The following UCK2 variants were observed in gnomAD, a reference collection of about 807,000 sequenced individuals.
The protein encoded by UCK2 is uridine-cytidine kinase 2.
In UCK2, 6 loss-of-function variants were observed where a neutral mutation model predicts 30.8. The ratio of observed to expected loss-of-function variants is 0.19; its 90% CI spans 0.11 to 0.38. The LOEUF is 0.38. UCK2 is among the 10% of genes least tolerant of loss of function. The pLI is 1.00. For missense variants in UCK2, 210 were observed against 339.8 expected (o/e 0.62, Z 3.00); for synonymous variants, 125 against 133.6 (o/e 0.94, Z 0.45).
intron 1 of UCK2, among the ~76,000 whole-genome samples, chr1:165,877,959 A>G (rs1489021653): frequency 6.6e-6 from 1 of 152,208 alleles, no homozygotes; most frequent in East Asian, 1.9e-4. Context: ...CGTTGGTCAC[A>G]GTCATGAACC....
chr1:165,903,142 C>T (rs774634826), intron 4 of UCK2, 40 bp from the exon 5 acceptor site: 5 of 1,560,908 alleles, frequency 3.2e-6, no homozygotes, highest in Non-Finnish European at 3.5e-6. Context: ...GTGCTGGCTC[C>T]TACACCGTTT....
At chr1:165,874,841 G>A (rs1246656479) in intron 1 of UCK2, among the ~76,000 whole-genome samples, 1 of 152,172 alleles carries the variant, frequency 6.6e-6, no homozygotes, top group Non-Finnish European at 1.5e-5. Flanking sequence ...GTTTTCTTAG[G>A]TGGCTGTGGC....
chr1:165,880,566 G>GGT (rs869079437), intron 1 of UCK2, among the ~76,000 whole-genome samples: 11 of 19,310 alleles, frequency 5.7e-4, no homozygotes, highest in East Asian at 3.6e-3. Flanking sequence ...TTTTTTTGGG[G>GGT]GTGTGTGTGT....
chr1:165,882,519 G>A (rs1192428916), intron 1 of UCK2, among the ~76,000 whole-genome samples: 6 of 152,208 alleles, frequency 3.9e-5, no homozygotes, highest in Non-Finnish European at 4.4e-5. Flanking sequence ...ATGAAGAACA[G>A]AAATTTATTT....
Position 165,908,090 on chromosome 1 carries a change from C to CAT in UCK2, c.*277_*278dup, listed in dbSNP as rs772217264. On this transcript the variant is annotated 3_prime_UTR_variant, in exon 7 of 7. Transcript: ENST00000367879. ...TCCAACGTGTAACCAGTTATAAATA[C>CAT]ATATATATATAAAAAAGGATCTATT... 14 of 305,486 alleles carry CAT rather than the reference C, an allele frequency of 4.6e-5. No homozygotes were observed. The highest frequency in any genetic ancestry group is 6.4e-5 in the African/African-American group (3 of 46,576). 18.9% of individuals were successfully genotyped at this position (305,486 alleles called of 1,614,324 possible).
intron 1 of UCK2, among the ~76,000 whole-genome samples, chr1:165,831,477 C>CCTGCATACATA (rs760226018): frequency 6.6e-6 from 1 of 152,182 alleles, no homozygotes; most frequent in Non-Finnish European, 1.5e-5. Flanking sequence ...AACTTCTTTG[C>CCTGCATACATA]CTGCATACAT....
At chr1:165,859,859 T>C (rs1386654723) in intron 1 of UCK2, among the ~76,000 whole-genome samples, 1 of 152,138 alleles carries the variant, frequency 6.6e-6, no homozygotes, top group African/African-American at 2.4e-5. Context: ...CAAACTCAAC[T>C]CTGGGGAAGA....
intron 1 of UCK2, among the ~76,000 whole-genome samples, chr1:165,831,310 G>C (rs1293910712): frequency 6.6e-6 from 1 of 152,104 alleles, no homozygotes; most frequent in Non-Finnish European, 1.5e-5. Context: ...CTTGAGCCTA[G>C]GACTTGGAGG....
chr1:165,836,064 A>G (rs1654180721), intron 1 of UCK2, among the ~76,000 whole-genome samples: 1 of 152,144 alleles, frequency 6.6e-6, no homozygotes, highest in African/African-American at 2.4e-5. Context: ...CCCCGTCTCT[A>G]CTAAAATACA....
Position 165,827,856 on chromosome 1 carries a change from C to A in UCK2, c.23C>A (p.Thr8Asn), listed in dbSNP as rs1036555654. The change falls in exon 1 of 7, where the codon ACC becomes AAC. Residue 8 changes from threonine (T) to asparagine (N), a missense_variant. By Grantham distance (65) the Thr-to-Asn change is moderately conservative. Transcript: ENST00000367879. ...ACCATGGCCGGGGACAGCGAGCAGA[C>A]CCTGCAGAACCACCAGCAGCCCAAC... is the stretch of plus-strand genomic sequence containing the variant. MAGDSEQ[T>N]LQNHQQPNGG... 6 of 1,471,528 alleles carry A rather than the reference C, an allele frequency of 4.1e-6. No homozygotes were observed. The highest frequency in any genetic ancestry group is 2.2e-5 in the Admixed American group (1 of 44,454). 91.2% of individuals were successfully genotyped at this position (1,471,528 alleles called of 1,614,324 possible).
At chr1:165,845,866 CTT>C (rs1383857077) in intron 1 of UCK2, among the ~76,000 whole-genome samples, 1 of 152,114 alleles carries the variant, frequency 6.6e-6, no homozygotes, top group Non-Finnish European at 1.5e-5. Flanking sequence ...TGGAGTCTCA[CTT>C]TTTTGCCCAG....
intron 1 of UCK2, among the ~76,000 whole-genome samples, chr1:165,873,611 G>A (rs1054015147): frequency 9.2e-5 from 14 of 152,092 alleles, no homozygotes; most frequent in African/African-American, 2.7e-4. Flanking sequence ...TTGGGCTGTC[G>A]TAGTTCATCA....
chr1:165,837,450 A>G (rs939335669), intron 1 of UCK2, among the ~76,000 whole-genome samples: 2 of 152,184 alleles, frequency 1.3e-5, no homozygotes, highest in Non-Finnish European at 1.5e-5. Context: ...GCTAACATTC[A>G]TCTCAACTGG....
At chr1:165,886,611 A>G (rs1374485549) in intron 1 of UCK2, among the ~76,000 whole-genome samples, 1 of 152,218 alleles carries the variant, frequency 6.6e-6, no homozygotes, top group Non-Finnish European at 1.5e-5. Flanking sequence ...TTCTTAAGGA[A>G]CAAGATGACA....
intron 1 of UCK2, among the ~76,000 whole-genome samples, chr1:165,874,351 G>C (rs1269968949): frequency 6.6e-6 from 1 of 152,132 alleles, no homozygotes; most frequent in Non-Finnish European, 1.5e-5. Context: ...AAGACCCGGA[G>C]GTATCAAATG....
rs114335890 is a variant in UCK2, at chr1:165,829,596, C to T, written c.99+1664C>T. ...GTAATCATCTGAATAATTTAGTTAC[C>T]ACGAGGGTGAAAACTGCGACCCTAA... On this transcript the variant is annotated intron_variant, in intron 1 of 6. Transcript: ENST00000367879. 1.5e-3 allele frequency among the ~76,000 whole-genome samples: 232 copies of T among 152,234 alleles called. 1 individual carries two copies. The highest frequency in any genetic ancestry group is 5.3e-3 in the African/African-American group (220 of 41,540).
In UCK2 at chr1:165,881,012, A is replaced by G. The variant is rs1210234029; in HGVS notation, c.100-9192A>G. The stretch of plus-strand genomic sequence containing the variant: ...CATGTTGAAACCCCGTCTCTACTAA[A>G]AATACAAAAAATTTGCTGGGTGTGG... On this transcript the variant is annotated intron_variant, in intron 1 of 6. Coordinates refer to ENST00000367879, the MANE Select transcript of UCK2 (RefSeq NM_012474.5). Among the ~76,000 whole-genome samples the G allele has an allele frequency of 2.0e-5, 3 of 151,926 alleles. No homozygotes were observed. The East Asian group carries it at 5.8e-4, about 29-fold the overall frequency.
chr1:165,842,891 G>A (rs982557969), intron 1 of UCK2, among the ~76,000 whole-genome samples: 1 of 152,142 alleles, frequency 6.6e-6, no homozygotes. Flanking sequence ...CCAACCCTGA[G>A]TTGTCAGCAC....
intron 1 of UCK2, among the ~76,000 whole-genome samples, chr1:165,851,033 G>C (rs892888434): frequency 1.3e-5 from 2 of 149,854 alleles, no homozygotes; most frequent in African/African-American, 4.9e-5. Context: ...CAGAGTGCTG[G>C]GATTACAGGT....
Sources: gnomAD v4.1 joint callset for allele counts (sites outside exome capture counted in the v4.1 genomes callset) on GRCh38, gnomAD v4.1.1 for gene constraint, MANE v1.5 for transcripts, NCBI Gene and HGNC (gene_info 2026-07-23, HGNC 2026-07-21) for gene names.